KDSR: variants seen among roughly 807,000 people sequenced by gnomAD.
KDSR encodes the protein 3-dehydrosphinganine reductase.
In KDSR, 23 loss-of-function variants were observed where a neutral mutation model predicts 41.3. The ratio of observed to expected loss-of-function variants is 0.56; its 90% confidence interval spans 0.40 to 0.79. KDSR has a LOEUF of 0.79. KDSR is among the 30% of genes least tolerant of loss of function. The pLI, the probability that KDSR is intolerant of heterozygous loss-of-function variation, is 0.00. For synonymous variants in KDSR, 138 were observed against 151.7 expected (o/e 0.91, Z 0.66); for missense variants, 351 against 416.8 (o/e 0.84, Z 1.37).
intron 2 of KDSR, among the ~76,000 whole-genome samples, chr18:63,361,198 A>G (rs1178682222): frequency 1.6e-5 from 2 of 126,460 alleles, no homozygotes; most frequent in East Asian, 5.4e-4. Context: ...TTACAGAGCA[A>G]AACTCCGTCT....
chr18:63,339,267 G>A (rs1053766784), intron 7 of KDSR, among the ~76,000 whole-genome samples: 1 of 152,074 alleles, frequency 6.6e-6, no homozygotes, highest in Non-Finnish European at 1.5e-5. Flanking sequence ...CCTGTGTCCA[G>A]AGCAAGCCTG....
chr18:63,333,954 C>A (rs879132139), intron 9 of KDSR, among the ~76,000 whole-genome samples: 1 of 152,148 alleles, frequency 6.6e-6, no homozygotes, highest in Non-Finnish European at 1.5e-5. Flanking sequence ...CAGGACAACA[C>A]GCCAGGTGTG....
At chr18:63,359,347 G>A (rs970525480) in intron 3 of KDSR, among the ~76,000 whole-genome samples, 2 of 152,086 alleles carry the variant, frequency 1.3e-5, no homozygotes, top group East Asian at 3.9e-4. Flanking sequence ...TGGGTGATGG[G>A]TGTGTGATTA....
Position 63,334,352 on chromosome 18 carries a change from C to CT in KDSR, c.879+904dup, listed in dbSNP as rs71162625. ...CTACTTCATTACACTGCACTACTAT[C>CT]TTTTTTTTTTTTTTTGAGACAGAGT... On this transcript the variant is annotated intron_variant, in intron 9 of 9. Coordinates refer to ENST00000645214, the MANE Select transcript of KDSR (RefSeq NM_002035.4). Among the ~76,000 whole-genome samples the CT allele has an allele frequency of 4.0e-3, 578 of 143,666 alleles. 8 individuals are homozygous for CT. Among genetic ancestry groups the CT allele is most frequent in the East Asian group, 0.014 (68 of 4,898 alleles). 94.3% of individuals were successfully genotyped at this position (143,666 alleles called of 152,430 possible).
chr18:63,343,543 C>T (rs1049727611), intron 7 of KDSR, among the ~76,000 whole-genome samples: 4 of 151,670 alleles, frequency 2.6e-5, no homozygotes, highest in African/African-American at 9.7e-5. Context: ...CATGTGCCAC[C>T]ATGCCTGGCT....
chr18:63,361,003 T>TATATA (rs1914950797), intron 2 of KDSR, among the ~76,000 whole-genome samples: 1 of 20,860 alleles, frequency 4.8e-5, no homozygotes, highest in Admixed American at 6.3e-4. Context: ...AAAAAAAAAA[T>TATATA]ATATATATAT....
intron 9 of KDSR, among the ~76,000 whole-genome samples, chr18:63,333,603 G>A (rs927423436): frequency 2.6e-5 from 4 of 152,164 alleles, no homozygotes; most frequent in African/African-American, 9.7e-5. Flanking sequence ...GCTGATGACT[G>A]CCAGGTAAGA....
chr18:63,348,216 G>T (rs1291107488), intron 6 of KDSR, among the ~76,000 whole-genome samples: 5 of 152,008 alleles, frequency 3.3e-5, no homozygotes, highest in Admixed American at 3.3e-4. Flanking sequence ...GGCTGAGGTG[G>T]GAGGACTGCT....
At chr18:63,335,404 G>A in intron 8 of KDSR, 46 bp from the exon 9 acceptor site, 5 of 1,317,370 alleles carry the variant, frequency 3.8e-6, no homozygotes, top group Non-Finnish European at 5.5e-6. Context: ...CTAGTAATGT[G>A]GACAGAAATC....
intron 9 of KDSR, 37 bp downstream of exon 9, chr18:63,335,220 A>T (rs951679830): frequency 4.3e-6 from 6 of 1,388,680 alleles, no homozygotes; most frequent in Non-Finnish European, 5.1e-6. Flanking sequence ...TCTCTTGTCC[A>T]TCGGCCTGTC....
chr18:63,334,785 T>C (rs578206116), intron 9 of KDSR, among the ~76,000 whole-genome samples: 1 of 152,304 alleles, frequency 6.6e-6, no homozygotes, highest in African/African-American at 2.4e-5. Flanking sequence ...TTGGACAAAA[T>C]AATACATTCT....
intron 8 of KDSR, chr18:63,335,569 G>A (rs1214435091): frequency 4.1e-5 from 21 of 515,168 alleles, no homozygotes; most frequent in Non-Finnish European, 7.3e-5. Flanking sequence ...GGCCCCCAAG[G>A]ACAAATGATT....
rs1347998482 is a variant in KDSR at position 63,355,533 on chromosome 18, G to C, written c.286C>G (p.Gln96Glu). 6.2e-7 allele frequency: 1 copy of C among 1,602,930 alleles called. No homozygotes were observed. ...VVLCISVDVSQDYNQVENVIK... is the reference protein window; with the variant it reads ...VVLCISVDVSEDYNQVENVIK... ...ACATTCTCTACTTGGTTATAGTCTT[G>C]AGATACATCAACTGATATGCAAAGC... Residue 96 changes from glutamine to glutamate, a missense_variant, in exon 4 of 10, where the codon CAA (glutamine) becomes GAA (glutamate). Gln to Glu is a conservative substitution (Grantham distance 29). Transcript: ENST00000645214.
chr18:63,340,413 G>T (rs960728207), intron 7 of KDSR, among the ~76,000 whole-genome samples: 2 of 152,124 alleles, frequency 1.3e-5, no homozygotes, highest in Non-Finnish European at 1.5e-5. Flanking sequence ...TACAGTCTAG[G>T]GAGTTTAAGT....
chr18:63,363,468 G>A (rs554878604), intron 1 of KDSR, among the ~76,000 whole-genome samples: 11 of 138,434 alleles, frequency 7.9e-5, no homozygotes, highest in Non-Finnish European at 1.4e-4. Context: ...GAGAATATGC[G>A]GTGTTTGGTT....
chr18:63,355,338 A>T (rs1342438039), intron 4 of KDSR, 39 bp from the exon 5 acceptor site: 2 of 1,606,312 alleles, frequency 1.2e-6, no homozygotes, highest in East Asian at 2.2e-5. Flanking sequence ...AGAAACAGAG[A>T]AGAAAAACCA....
rs937185681 is a variant in KDSR at position 63,328,581 on chromosome 18, C to G, written c.*3201G>C. The G allele has an allele frequency of 6.3e-6, 1 of 157,640 alleles. No individual in the cohort carries two copies. Among genetic ancestry groups the G allele is most frequent in the African/African-American group, 2.4e-5 (1 of 41,612 alleles). The allele number at this position is 157,640 out of a possible 1,614,324, so 9.8% of individuals were successfully genotyped here. A position where few individuals can be genotyped will look rare whatever the true frequency, so the allele number is the denominator to read the frequency against. ...TTCACCATGTTGGCCAGGCTGGTCT[C>G]GAACTCCTGACCTCGTGATTCGCCT... is the stretch of plus-strand genomic sequence containing the variant. On this transcript the variant is annotated 3_prime_UTR_variant, in exon 10 of 10. Coordinates refer to ENST00000645214, the MANE Select transcript of KDSR (RefSeq NM_002035.4).
chr18:63,348,153 C>CA (rs1018797895), intron 6 of KDSR, among the ~76,000 whole-genome samples: 3 of 151,300 alleles, frequency 2.0e-5, no homozygotes, highest in African/African-American at 7.3e-5. Flanking sequence ...AAAAAATAAA[C>CA]AAAAAAACGG....
At chr18:63,345,547 G>T (rs1914474163) in intron 6 of KDSR, 2 of 152,202 alleles carry the variant, frequency 1.3e-5, no homozygotes, top group Admixed American at 1.3e-4. Context: ...AAGGGATCTG[G>T]AAGTGGAGAG....
Sources: allele counts gnomAD v4.1 joint callset (sites outside exome capture counted in the v4.1 genomes callset), GRCh38; gene constraint gnomAD v4.1.1; transcripts MANE v1.5; gene names NCBI Gene and HGNC (gene_info 2026-07-23, HGNC 2026-07-21).